The following CAPZB variants were observed in gnomAD, a reference collection of about 807,000 sequenced individuals.
The protein encoded by CAPZB is F-actin-capping protein subunit beta.
A neutral mutation model predicts 38.1 loss-of-function variants in CAPZB; 2 were observed. The observed-to-expected ratio is 0.05, with a 90% CI of 0.02 to 0.17. CAPZB has a LOEUF of 0.17. Ranked by LOEUF, CAPZB falls within the 10% of genes least tolerant of loss-of-function variation. The pLI, the probability that CAPZB is intolerant of heterozygous loss-of-function variation, is 1.00. For missense variants in CAPZB, 161 were observed against 334.2 expected, an observed-to-expected ratio of 0.48 and a Z score of 4.04; for synonymous variants, 107 against 127.4, an observed-to-expected ratio of 0.84 and a Z score of 1.08.
chr1:19,455,867 A>C (rs991098897), intron 1 of CAPZB, among the ~76,000 whole-genome samples: 1 of 152,200 alleles, frequency 6.6e-6, no homozygotes, highest in Admixed American at 6.5e-5. Flanking sequence ...ACACAGGAAA[A>C]ACAAGGGCCA....
At chr1:19,385,339 T>C (rs752647639) in intron 3 of CAPZB, among the ~76,000 whole-genome samples, 166 bp downstream of exon 3, 23 of 151,862 alleles carry the variant, frequency 1.5e-4, no homozygotes, top group Non-Finnish European at 2.9e-4. Context: ...ATGAGAAGAA[T>C]GGGGAGGACA....
At chr1:19,399,242 C>T (rs1233838287) in intron 2 of CAPZB, among the ~76,000 whole-genome samples, 2 of 152,182 alleles carry the variant, frequency 1.3e-5, no homozygotes, top group Admixed American at 6.5e-5. Flanking sequence ...ATTATATCTC[C>T]AGAAAGCTGT....
intron 2 of CAPZB, among the ~76,000 whole-genome samples, chr1:19,410,866 C>T (rs930205924): frequency 2.0e-5 from 3 of 152,182 alleles, no homozygotes; most frequent in East Asian, 1.9e-4. Flanking sequence ...GACACCTCTT[C>T]CCCGCAACCC....
chr1:19,421,241 G>A (rs3813984), intron 1 of CAPZB, among the ~76,000 whole-genome samples: 115,104 of 152,204 alleles, frequency 0.76, 43,767 homozygotes, highest in East Asian at 0.85. Context: ...GAATATTACC[G>A]TTTACACTCC....
At chr1:19,473,012 CG>C (rs1409571045) in intron 1 of CAPZB, among the ~76,000 whole-genome samples, 11 of 152,116 alleles carry the variant, frequency 7.2e-5, no homozygotes, top group African/African-American at 2.7e-4. Context: ...CCACAGTGCC[CG>C]GCCCATTCTT....
rs1460490619 is a variant in CAPZB, at chr1:19,356,197, C to A, written c.588+438G>T. Among the ~76,000 whole-genome samples the A allele has an allele frequency of 2.6e-5, 4 of 152,178 alleles. No individual in the cohort carries two copies. The highest frequency in any genetic ancestry group is 5.9e-5 in the Non-Finnish European group (4 of 68,040). ...CTTTCTGACAAGCTCTTTGGTGATGCTGATGCTGGTCCTTGGACTACTCTG... is the reference window on the plus strand; with the variant it reads ...CTTTCTGACAAGCTCTTTGGTGATGATGATGCTGGTCCTTGGACTACTCTG... On this transcript the variant is annotated intron_variant, in intron 6 of 8. Transcript: ENST00000264202. This position sits in a 1 kb window ranked among gnomAD's most constrained non-coding sequence, Gnocchi z 4.3.
chr1:19,404,690 C>A (rs1437252775), intron 2 of CAPZB, among the ~76,000 whole-genome samples: 1 of 152,132 alleles, frequency 6.6e-6, no homozygotes, highest in African/African-American at 2.4e-5. Context: ...ACCTATCTGG[C>A]CAAACAGGGA....
intron 2 of CAPZB, among the ~76,000 whole-genome samples, chr1:19,414,150 C>T (rs1367071169): frequency 6.6e-6 from 1 of 152,146 alleles, no homozygotes; most frequent in Non-Finnish European, 1.5e-5. Context: ...CGAATGTGGA[C>T]ACGTCCCCCA....
At chr1:19,472,523 A>G (rs942112041) in intron 1 of CAPZB, among the ~76,000 whole-genome samples, 38 of 152,038 alleles carry the variant, frequency 2.5e-4, no homozygotes, top group African/African-American at 8.7e-4. Flanking sequence ...ACTATGCTCT[A>G]TTATTCCAGA....
chr1:19,371,771 G>A (rs920633652), intron 4 of CAPZB, among the ~76,000 whole-genome samples: 2 of 152,232 alleles, frequency 1.3e-5, no homozygotes, highest in East Asian at 3.9e-4. Flanking sequence ...TCCCGAGGAA[G>A]GGGTGCCCTG....
intron 2 of CAPZB, among the ~76,000 whole-genome samples, chr1:19,400,091 T>C (rs1277779416): frequency 1.3e-5 from 2 of 152,172 alleles, no homozygotes; most frequent in African/African-American, 2.4e-5. Context: ...TATATTTGTA[T>C]ACAGAATCCA....
rs1281909510 is a variant in CAPZB, at chr1:19,357,336, C to T, written c.471+86G>A. The T allele has an allele frequency of 1.6e-6, 2 of 1,235,842 alleles. No homozygotes were observed. The highest frequency in any genetic ancestry group is 2.3e-6 in the Non-Finnish European group (2 of 853,708). The allele number at this position is 1,235,842 out of a possible 1,614,324, so 76.6% of individuals were successfully genotyped here. ...GTTCAGAGATCACAGCATCCCCCTA[C>T]TGCATCTGTTAGAGAGCAGCGCGGC... On this transcript the variant is annotated intron_variant, in intron 5 of 8. Transcript: ENST00000264202. This position sits in a 1 kb window ranked among gnomAD's most constrained non-coding sequence, Gnocchi z 4.3.
At chr1:19,479,985 A>G (rs981284249) in intron 1 of CAPZB, among the ~76,000 whole-genome samples, 1 of 151,132 alleles carries the variant, frequency 6.6e-6, no homozygotes, top group Admixed American at 6.6e-5. Context: ...GCCTGAGCAC[A>G]CTCTTCCCAG....
intron 2 of CAPZB, among the ~76,000 whole-genome samples, chr1:19,416,860 C>CCAAAAAAA (rs2094381825): frequency 1.4e-5 from 1 of 69,452 alleles, no homozygotes. Flanking sequence ...GACCCTGTCT[C>CCAAAAAAA]AAAAAAAAAA....
intron 2 of CAPZB, among the ~76,000 whole-genome samples, chr1:19,389,633 A>G (rs2094222189): frequency 6.6e-6 from 1 of 152,088 alleles, no homozygotes; most frequent in South Asian, 2.1e-4. Context: ...TCACCACGTT[A>G]GCCAGGATGG....
chr1:19,343,993 G>A (rs1332709124), intron 8 of CAPZB, among the ~76,000 whole-genome samples: 1 of 152,210 alleles, frequency 6.6e-6, no homozygotes, highest in South Asian at 2.1e-4. Context: ...GAGGCAGCCG[G>A]GCTGCCCGGA....
chr1:19,463,885 A>C (rs879941565), intron 1 of CAPZB, among the ~76,000 whole-genome samples: 1 of 152,134 alleles, frequency 6.6e-6, no homozygotes, highest in South Asian at 2.1e-4. Flanking sequence ...TGCCTAAAGA[A>C]ATGAGGACAG....
At position 19,357,109 on chromosome 1, in the gene CAPZB, C is replaced by T. The variant is rs967807431; in HGVS notation, c.471+313G>A. 6.6e-6 allele frequency among the ~76,000 whole-genome samples: 1 copy of T among 152,192 alleles called. No homozygotes were observed. Among genetic ancestry groups the T allele is most frequent in the African/African-American group, 2.4e-5 (1 of 41,432 alleles). On this transcript the variant is annotated intron_variant, in intron 5 of 8. Coordinates refer to ENST00000264202, the MANE Select transcript of CAPZB (RefSeq NM_004930.5). This position sits in a 1 kb window ranked among gnomAD's most constrained non-coding sequence, Gnocchi z 4.3. ...TGAACTCCTGACCTCCGGTGATCTG[C>T]CCACCTCAGCCTCCCAAACTGCTGG...
rs778714039 is a variant in CAPZB, at chr1:19,356,739, C to T, written c.484G>A (p.Gly162Ser). Residue 162 changes from glycine to serine, a missense_variant, in exon 6 of 9, where the codon GGT becomes AGT. Transcript: ENST00000264202. The surrounding 1 kb of genome is among the most constrained non-coding windows in gnomAD (Gnocchi z 4.3). ...GTCAACTTGTAATGGGCGGTGCGACCGCTGGATTTCTCCTGGAAGGACAAG... is the reference window on the plus strand; with the variant it reads ...GTCAACTTGTAATGGGCGGTGCGACTGCTGGATTTCTCCTGGAAGGACAAG... ...HVVEVQEKSS[G>S]RTAHYKLTST... is the part of the protein sequence containing the mutation. The T allele has an allele frequency of 1.9e-6, 3 of 1,612,532 alleles. No homozygotes were observed. The highest frequency in any genetic ancestry group is 2.2e-5 in the South Asian group (2 of 91,034).
Sources: gnomAD v4.1 joint callset for allele counts (sites outside exome capture counted in the v4.1 genomes callset) on GRCh38, gnomAD v4.1.1 for gene constraint, Gnocchi (gnomAD v3.1) non-coding constraint, MANE v1.5 for transcripts, NCBI Gene and HGNC (gene_info 2026-07-23, HGNC 2026-07-21) for gene names.